The following RAB7A variants were observed in gnomAD, a reference collection of about 807,000 sequenced individuals.
The protein encoded by RAB7A is RAB7A, member RAS oncogene family.
Under a neutral mutation model 24.5 loss-of-function variants are expected in RAB7A, and 2 were observed. The observed-to-expected ratio is 0.08, with a 90% CI of 0.03 to 0.26. The LOEUF (loss-of-function observed/expected upper bound fraction) is 0.26. Ranked by LOEUF, RAB7A falls within the 10% of genes least tolerant of loss-of-function variation. The pLI is 1.00. For missense variants in RAB7A, 118 were observed against 255.7 expected, an observed-to-expected ratio of 0.46 and a Z score of 3.67; for synonymous variants, 100 against 95.9, an observed-to-expected ratio of 1.04 and a Z score of -0.25.
Position 128,795,928 on chromosome 3 carries a change from T to G in RAB7A, c.53+508T>G, listed in dbSNP as rs184716856. Among the ~76,000 whole-genome samples the G allele has an allele frequency of 2.2e-3, 331 of 151,764 alleles. 3 individuals carry two copies. The East Asian group carries it at 0.023, about 11-fold the overall frequency. ...CACCACGCCCGGCTAGTTTTTTGTA[T>G]TTTTGGTAGAGATGGGGTTTCACCG... On this transcript the variant is annotated intron_variant, in intron 2 of 5. Transcript: ENST00000265062.
At chr3:128,809,256 G>C (rs114647469) in intron 5 of RAB7A, among the ~76,000 whole-genome samples, 24 of 152,228 alleles carry the variant, frequency 1.6e-4, no homozygotes, top group Middle Eastern at 3.4e-3. Flanking sequence ...TGTAAGTCAG[G>C]GTGCCAGGTT....
intron 1 of RAB7A, among the ~76,000 whole-genome samples, chr3:128,734,248 A>C (rs1433864129): frequency 6.6e-6 from 1 of 152,032 alleles, no homozygotes; most frequent in Non-Finnish European, 1.5e-5. Context: ...TGGCCAACAT[A>C]GCGAAACCCT....
At chr3:128,732,212 G>T (rs544306334) in intron 1 of RAB7A, among the ~76,000 whole-genome samples, 1 of 151,354 alleles carries the variant, frequency 6.6e-6, no homozygotes, top group South Asian at 2.1e-4. Context: ...GCTAATTTTT[G>T]TATTTTTAGT....
intron 3 of RAB7A, among the ~76,000 whole-genome samples, chr3:128,804,298 T>A (rs1440413323): frequency 6.6e-6 from 1 of 152,180 alleles, no homozygotes; most frequent in Non-Finnish European, 1.5e-5. Flanking sequence ...TATATACATA[T>A]CCTGACATCA....
intron 1 of RAB7A, chr3:128,765,164 C>A (rs187490027): frequency 5.7e-6 from 4 of 697,338 alleles, no homozygotes; most frequent in Non-Finnish European, 1.0e-5. Flanking sequence ...CGCTGGGTTC[C>A]GTCCAAGCAC....
chr3:128,798,129 T>A, intron 3 of RAB7A, 60 bp downstream of exon 3: 1 of 1,582,486 alleles, frequency 6.3e-7, no homozygotes, highest in Non-Finnish European at 8.7e-7. Flanking sequence ...TCTTAATCTT[T>A]CCTCATGCAT....
chr3:128,787,710 TTTTGTTTGTC>T (rs1210349947), intron 1 of RAB7A, among the ~76,000 whole-genome samples: 1 of 152,192 alleles, frequency 6.6e-6, no homozygotes, highest in Non-Finnish European at 1.5e-5. Flanking sequence ...TTAAGTTTCT[TTTTGTTTGTC>T]TGCTTTTTGA....
At chr3:128,789,639 C>CT (rs1033964576) in intron 1 of RAB7A, among the ~76,000 whole-genome samples, 1 of 151,842 alleles carries the variant, frequency 6.6e-6, no homozygotes, top group African/African-American at 2.4e-5. Context: ...TGGCCATAGG[C>CT]TTTTAAAAAA....
chr3:128,800,574 C>A (rs969241130), intron 3 of RAB7A, among the ~76,000 whole-genome samples: 4 of 152,086 alleles, frequency 2.6e-5, no homozygotes, highest in Admixed American at 6.6e-5. Context: ...AAAAAGAATT[C>A]TGTGTAAGTC....
intron 1 of RAB7A, among the ~76,000 whole-genome samples, chr3:128,773,164 C>T (rs567920700): frequency 6.6e-6 from 1 of 152,052 alleles, no homozygotes; most frequent in African/African-American, 2.4e-5. Context: ...TGCCCGGCTG[C>T]CCATTGTCTG....
chr3:128,795,282 C>CAGACAT, intron 1 of RAB7A, 78 bp from the exon 2 acceptor site: 3 of 1,238,214 alleles, frequency 2.4e-6, no homozygotes, highest in Non-Finnish European at 3.6e-6. Context: ...TGGGGCTGCT[C>CAGACAT]AGACATTTGT....
At chr3:128,776,457 T>TTAA (rs1170189347) in intron 1 of RAB7A, among the ~76,000 whole-genome samples, 2 of 152,092 alleles carry the variant, frequency 1.3e-5, no homozygotes, top group African/African-American at 4.8e-5. Context: ...AGCTACTGTA[T>TTAA]TAATTTTTTT....
In RAB7A at chr3:128,813,368, C is replaced by T; in HGVS notation, c.570C>T (p.Ile190=). ...VELYNEFPEP[I]KLDKNDRAKA... Reference sequence around the variant, plus strand: ...TGTACAACGAATTTCCTGAACCTATCAAACTGGACAAGAATGACCGGGCCA... The same window carrying T: ...TGTACAACGAATTTCCTGAACCTATTAAACTGGACAAGAATGACCGGGCCA... Residue 190 remains isoleucine, a synonymous_variant, in exon 6 of 6, where the codon ATC becomes ATT. Transcript: ENST00000265062. 6.2e-7 allele frequency: 1 copy of T among 1,614,218 alleles called. No homozygotes were observed. Among genetic ancestry groups the T allele is most frequent in the Non-Finnish European group, 8.5e-7 (1 of 1,180,034 alleles).
At chr3:128,811,899 TTAAAA>T (rs1933935718) in intron 5 of RAB7A, among the ~76,000 whole-genome samples, 1 of 150,040 alleles carries the variant, frequency 6.7e-6, no homozygotes, top group African/African-American at 2.5e-5. Context: ...ATGGGGAAAA[TTAAAA>T]TAAATAAATA....
In RAB7A at chr3:128,810,231, C is replaced by G. The variant is rs553151971; in HGVS notation, c.528+2560C>G. On this transcript the variant is annotated intron_variant, in intron 5 of 5. Coordinates refer to ENST00000265062, the MANE Select transcript of RAB7A (RefSeq NM_004637.6). ...AAAGTGCTGGGGTTACAGGCATGAG[C>G]CACCGCACCCGGCCTGCCACATTTC... Among the ~76,000 whole-genome samples the G allele has an allele frequency of 2.0e-5, 3 of 152,100 alleles. No individual in the cohort carries two copies. The East Asian group carries it at 5.8e-4, about 29-fold the overall frequency.
chr3:128,758,728 A>G (rs1008857258), intron 1 of RAB7A, among the ~76,000 whole-genome samples: 3 of 152,136 alleles, frequency 2.0e-5, no homozygotes, highest in Admixed American at 6.5e-5. Flanking sequence ...ATCAGATAAA[A>G]GGGTTTGGAG....
At chr3:128,736,230 G>A (rs2712402) in intron 1 of RAB7A, among the ~76,000 whole-genome samples, 143,807 of 152,120 alleles carry the variant, frequency 0.95, 68,089 homozygotes, top group East Asian at 1. Flanking sequence ...TGTGTTAGTG[G>A]GACTGGGACT....
intron 2 of RAB7A, among the ~76,000 whole-genome samples, chr3:128,797,143 A>C (rs1933594207): frequency 6.6e-6 from 1 of 152,156 alleles, no homozygotes; most frequent in Non-Finnish European, 1.5e-5. Context: ...GTTCGATTCC[A>C]GGTTTTGCCA....
intron 1 of RAB7A, among the ~76,000 whole-genome samples, chr3:128,733,213 G>A (rs1308306981): frequency 6.6e-6 from 1 of 152,162 alleles, no homozygotes; most frequent in Non-Finnish European, 1.5e-5. Context: ...TATCATCGAT[G>A]CCCTGATGCT....
Sources: gnomAD v4.1 joint callset for allele counts (sites outside exome capture counted in the v4.1 genomes callset) on GRCh38, gnomAD v4.1.1 for gene constraint, MANE v1.5 for transcripts, NCBI Gene and HGNC (gene_info 2026-07-23, HGNC 2026-07-21) for gene names.